Variants in FAM163A observed in about 807,000 individuals in gnomAD.
FAM163A encodes the protein protein FAM163A.
FAM163A carries 7 observed loss-of-function variants against 12.0 expected under a neutral mutation model. That is an observed-to-expected ratio of 0.58 (90% CI 0.33 to 1.10). FAM163A has a LOEUF of 1.10. Among genes scored for constraint, FAM163A ranks in the 50% least tolerant of loss-of-function variants. The pLI, the probability that FAM163A is intolerant of heterozygous loss-of-function variation, is 0.03. For missense variants in FAM163A, 202 were observed against 218.6 expected (o/e 0.92, Z 0.48); for synonymous variants, 101 against 91.0 (o/e 1.11, Z -0.62).
At chr1:179,788,960 C>T (rs1557947539) in intron 1 of FAM163A, among the ~76,000 whole-genome samples, 2 of 152,278 alleles carry the variant, frequency 1.3e-5, no homozygotes, top group East Asian at 3.9e-4. Flanking sequence ...ACCAGTGTTC[C>T]CTTAAACAGT....
upstream of FAM163A, among the ~76,000 whole-genome samples, chr1:179,741,322 G>A (rs527510383): frequency 2.6e-5 from 4 of 152,348 alleles, no homozygotes; most frequent in Admixed American, 6.5e-5. Context: ...GGCAATTACC[G>A]TACATCTCTG....
chr1:179,813,910 C>T lies in FAM163A; in HGVS notation c.225C>T (p.Ser75=), dbSNP rs34999790. 8,805 of 1,613,796 alleles carry T rather than the reference C, an allele frequency of 5.5e-3. 431 individuals carry two copies. In the African/African-American group the frequency reaches 0.1, roughly 19 times the overall value. ...CSSQALDGRG[S]LAPLTSEPCS... Reference sequence around the variant, plus strand: ...CCCAAGCCCTGGACGGCAGAGGCAGCCTGGCGCCTCTCACCAGCGAGCCCT... The same window carrying T: ...CCCAAGCCCTGGACGGCAGAGGCAGTCTGGCGCCTCTCACCAGCGAGCCCT... The change falls in exon 5 of 5, where the codon AGC becomes AGT. Residue 75 remains serine (S), a synonymous_variant. Transcript: ENST00000341785.
chr1:179,790,343 C>A (rs1015082621), intron 1 of FAM163A, among the ~76,000 whole-genome samples: 1 of 151,100 alleles, frequency 6.6e-6, no homozygotes, highest in East Asian at 1.9e-4. Flanking sequence ...ACTAGTCTCC[C>A]CATATTACAG....
At chr1:179,770,703 G>A (rs550536866) in intron 1 of FAM163A, among the ~76,000 whole-genome samples, 6 of 151,942 alleles carry the variant, frequency 3.9e-5, no homozygotes, top group South Asian at 2.1e-4. Flanking sequence ...GATGACTTGC[G>A]CACCCCACAG....
chr1:179,749,957 T>C (rs371831451), intron 1 of FAM163A, among the ~76,000 whole-genome samples: 4 of 152,192 alleles, frequency 2.6e-5, no homozygotes, highest in Admixed American at 6.5e-5. Flanking sequence ...AAGCTTTACA[T>C]TGAGAATATT....
the FAM163A span, among the ~76,000 whole-genome samples, chr1:179,736,768 C>T: frequency 6.6e-6 from 1 of 151,776 alleles, no homozygotes; most frequent in Non-Finnish European, 1.5e-5. Flanking sequence ...AGAGATTGCA[C>T]CACTGCACTC....
intron 3 of FAM163A, among the ~76,000 whole-genome samples, chr1:179,812,517 C>T (rs1287414112): frequency 6.6e-6 from 1 of 152,180 alleles, no homozygotes; most frequent in Admixed American, 6.5e-5. Flanking sequence ...CCCCGCCAGC[C>T]CGGGCCAAAG....
chr1:179,735,495 CTTTTTTTTTT>C, the FAM163A span, among the ~76,000 whole-genome samples: 6 of 62,184 alleles, frequency 9.6e-5, no homozygotes, highest in East Asian at 2.1e-3. Context: ...GAGTTACATT[CTTTTTTTTTT>C]TTTTTTTTTT....
At chr1:179,788,440 C>A (rs183767178) in intron 1 of FAM163A, among the ~76,000 whole-genome samples, 49 of 152,356 alleles carry the variant, frequency 3.2e-4, no homozygotes, top group Non-Finnish European at 6.0e-4. Flanking sequence ...TGAACAGGAC[C>A]TGCTCTTCCA....
rs572696929 is a variant in FAM163A at position 179,811,626 on chromosome 1, C to A, written c.-44-484C>A. ...AGCCACACTGCCGGGCAGGTGCAGC[C>A]CTCTAAGAGGACAGTGGTGGACATG... On this transcript the variant is annotated intron_variant, in intron 2 of 4. Coordinates refer to ENST00000341785, the MANE Select transcript of FAM163A (RefSeq NM_173509.3). Among the ~76,000 whole-genome samples, 4 of 152,208 alleles carry A rather than the reference C, an allele frequency of 2.6e-5. No homozygotes were observed. The South Asian group carries it at 8.3e-4, about 32-fold the overall frequency.
intron 2 of FAM163A, among the ~76,000 whole-genome samples, chr1:179,808,090 C>A (rs1051114942): frequency 8.5e-5 from 13 of 152,226 alleles, no homozygotes; most frequent in Non-Finnish European, 1.6e-4. Context: ...CTGCTGAGAC[C>A]TGGGTGGGAA....
At chr1:179,768,366 C>T (rs1687790039) in intron 1 of FAM163A, among the ~76,000 whole-genome samples, 1 of 152,166 alleles carries the variant, frequency 6.6e-6, no homozygotes, top group Admixed American at 6.5e-5. Flanking sequence ...GCAATAATTG[C>T]TCAAGACCAC....
At chr1:179,787,331 C>T (rs1690777171) in intron 1 of FAM163A, among the ~76,000 whole-genome samples, 1 of 152,126 alleles carries the variant, frequency 6.6e-6, no homozygotes, top group African/African-American at 2.4e-5. Flanking sequence ...TCAATGATAG[C>T]TCAAGGTGCC....
At chr1:179,758,167 G>T (rs75503627) in intron 1 of FAM163A, among the ~76,000 whole-genome samples, 9,516 of 152,232 alleles carry the variant, frequency 0.063, 881 homozygotes, top group African/African-American at 0.21. Context: ...AGGCAGAATC[G>T]GGTGGTGACT....
chr1:179,737,294 A>G, the FAM163A span, among the ~76,000 whole-genome samples: 1 of 152,250 alleles, frequency 6.6e-6, no homozygotes, highest in Non-Finnish European at 1.5e-5. Context: ...TACATAAGGT[A>G]TCTAAAATAG....
At position 179,814,097 on chromosome 1, in the gene FAM163A, A is replaced by C; in HGVS notation, c.412A>C (p.Lys138Gln). Residue 138 changes from lysine (K) to glutamine (Q), a missense_variant, in exon 5 of 5, where the codon AAA (lysine) becomes CAA (glutamine). Transcript: ENST00000341785. ...YYKEGGPPSL[K>Q]LAAPQSYPVT... ...CAAAGAGGGGGGACCCCCATCCCTC[A>C]AATTGGCAGCACCCCAGAGTTACCC... 6.2e-7 allele frequency: 1 copy of C among 1,614,200 alleles called. No homozygotes were observed. The highest frequency in any genetic ancestry group is 8.5e-7 in the Non-Finnish European group (1 of 1,180,038).
chr1:179,809,116 T>C (rs891425858), intron 2 of FAM163A, among the ~76,000 whole-genome samples: 1 of 150,660 alleles, frequency 6.6e-6, no homozygotes, highest in Non-Finnish European at 1.5e-5. Flanking sequence ...CAAAAAAAAA[T>C]TTTTTTTTTC....
chr1:179,761,788 T>C (rs1686852556), intron 1 of FAM163A, among the ~76,000 whole-genome samples: 1 of 152,164 alleles, frequency 6.6e-6, no homozygotes, highest in Non-Finnish European at 1.5e-5. Context: ...AAACTGGATT[T>C]TTGGGTCACT....
chr1:179,791,106 C>T (rs984891758), intron 1 of FAM163A, among the ~76,000 whole-genome samples: 6 of 152,156 alleles, frequency 3.9e-5, no homozygotes, highest in Admixed American at 2.0e-4. Flanking sequence ...TTGTCCCAGA[C>T]AGAGGCTGTT....
Sources: allele counts gnomAD v4.1 joint callset (sites outside exome capture counted in the v4.1 genomes callset), GRCh38; gene constraint gnomAD v4.1.1; transcripts MANE v1.5; gene names NCBI Gene and HGNC (gene_info 2026-07-23, HGNC 2026-07-21).